Variants in NYAP2 observed in about 807,000 individuals in gnomAD.
The protein encoded by NYAP2 is neuronal tyrosine-phosphorylated phosphoinositide-3-kinase adapter 2.
In NYAP2, 23 loss-of-function variants were observed where a neutral mutation model predicts 50.4. That is an observed-to-expected ratio of 0.46 (90% confidence interval 0.33 to 0.65). The LOEUF is 0.65. NYAP2 is among the 30% of genes least tolerant of loss of function. NYAP2 has a pLI of 0.02. For missense variants in NYAP2, 885 were observed against 861.0 expected, an observed-to-expected ratio of 1.03 and a Z score of -0.35; for synonymous variants, 394 against 365.2, an observed-to-expected ratio of 1.08 and a Z score of -0.90.
intron 4 of NYAP2, among the ~76,000 whole-genome samples, chr2:225,559,110 C>T (rs778704709): frequency 2.0e-5 from 3 of 151,964 alleles, no homozygotes; most frequent in Admixed American, 1.3e-4. Context: ...CCCCTTCTGT[C>T]CTTTTGATGG....
chr2:225,472,755 T>C (rs976087145), intron 3 of NYAP2, among the ~76,000 whole-genome samples: 1 of 152,190 alleles, frequency 6.6e-6, no homozygotes, highest in Non-Finnish European at 1.5e-5. Context: ...GGATATCTCT[T>C]TCCTTGCTAG....
the NYAP2 span, among the ~76,000 whole-genome samples, chr2:225,673,015 A>G: frequency 1.3e-5 from 2 of 149,530 alleles, no homozygotes; most frequent in Admixed American, 1.3e-4. Flanking sequence ...AGACTGGGGA[A>G]AAAAAAAAAA....
chr2:225,490,554 T>A (rs1690386220), intron 3 of NYAP2, among the ~76,000 whole-genome samples: 1 of 152,180 alleles, frequency 6.6e-6, no homozygotes, highest in Non-Finnish European at 1.5e-5. Flanking sequence ...TAGCAGCTAC[T>A]GTTCTACAGC....
chr2:225,553,594 A>C (rs750652033), intron 4 of NYAP2, among the ~76,000 whole-genome samples: 21 of 152,254 alleles, frequency 1.4e-4, no homozygotes, highest in Admixed American at 2.0e-4. Flanking sequence ...ATGTGATTAC[A>C]ATAGCTTCAG....
At chr2:225,495,971 C>G (rs962957465) in intron 3 of NYAP2, among the ~76,000 whole-genome samples, 2 of 152,166 alleles carry the variant, frequency 1.3e-5, no homozygotes, top group African/African-American at 4.8e-5. Flanking sequence ...ATTTGACACA[C>G]CTGTGCTCAT....
intron 3 of NYAP2, among the ~76,000 whole-genome samples, chr2:225,421,415 A>G (rs1326253265): frequency 6.6e-6 from 1 of 152,154 alleles, no homozygotes; most frequent in Non-Finnish European, 1.5e-5. Flanking sequence ...CTGGTATTTT[A>G]TTTTACTTAG....
intron 6 of NYAP2, among the ~76,000 whole-genome samples, chr2:225,634,099 T>C (rs1693369302): frequency 6.6e-6 from 1 of 152,086 alleles, no homozygotes; most frequent in African/African-American, 2.4e-5. Context: ...CATGCAGCCT[T>C]TGATGGCCAG....
At chr2:225,504,221 G>A (rs1346325649) in intron 3 of NYAP2, among the ~76,000 whole-genome samples, 1 of 152,146 alleles carries the variant, frequency 6.6e-6, no homozygotes, top group South Asian at 2.1e-4. Context: ...TTCAGTGTCT[G>A]GTGAGGTCCT....
intron 4 of NYAP2, among the ~76,000 whole-genome samples, chr2:225,553,070 G>A (rs945906908): frequency 6.6e-6 from 1 of 152,196 alleles, no homozygotes. Context: ...CCCTGGCAGC[G>A]AAGGAAAGAG....
chr2:225,437,030 G>T (rs1259968593), intron 3 of NYAP2, among the ~76,000 whole-genome samples: 2 of 150,922 alleles, frequency 1.3e-5, no homozygotes, highest in Non-Finnish European at 1.5e-5. Context: ...ATTATTCAAA[G>T]GAAAAGGAGA....
At chr2:225,467,613 C>T (rs549943662) in intron 3 of NYAP2, among the ~76,000 whole-genome samples, 62 of 152,278 alleles carry the variant, frequency 4.1e-4, no homozygotes, top group African/African-American at 1.4e-3. Context: ...GTCTCACTGC[C>T]TTTCAATCAA....
At chr2:225,601,256 G>GACT (rs1692685685) in intron 5 of NYAP2, among the ~76,000 whole-genome samples, 1 of 151,952 alleles carries the variant, frequency 6.6e-6, no homozygotes, top group Non-Finnish European at 1.5e-5. Flanking sequence ...GAGTAGCTGG[G>GACT]ACTACAGGCA....
At chr2:225,454,588 G>A (rs1689706573) in intron 3 of NYAP2, among the ~76,000 whole-genome samples, 1 of 152,290 alleles carries the variant, frequency 6.6e-6, no homozygotes, top group East Asian at 1.9e-4. Context: ...AGCAGGAGGT[G>A]AGTGGCAGGC....
chr2:225,613,927 T>A (rs1038701775), intron 5 of NYAP2, among the ~76,000 whole-genome samples: 5 of 152,160 alleles, frequency 3.3e-5, no homozygotes, highest in African/African-American at 1.2e-4. Context: ...AAATGTAAAG[T>A]GAAGGTGTAT....
chr2:225,600,904 GAAT>G (rs1224742589), intron 5 of NYAP2, among the ~76,000 whole-genome samples: 1 of 152,064 alleles, frequency 6.6e-6, no homozygotes, highest in East Asian at 1.9e-4. Context: ...TTTTAAGGCG[GAAT>G]AATATTCTGT....
At chr2:225,692,070 A>G in the NYAP2 span, among the ~76,000 whole-genome samples, 2 of 152,146 alleles carry the variant, frequency 1.3e-5, no homozygotes, top group Non-Finnish European at 2.9e-5. Context: ...AGACTCCTAG[A>G]TGAAATTAAT....
At chr2:225,683,036 T>G in the NYAP2 span, among the ~76,000 whole-genome samples, 20 of 152,146 alleles carry the variant, frequency 1.3e-4, no homozygotes, top group African/African-American at 4.8e-4. Context: ...TTCTTCCTAC[T>G]ACTCTTCCCA....
At position 225,422,991 on chromosome 2, in the gene NYAP2, C is replaced by A. The variant is rs1339130581; in HGVS notation, c.221+13890C>A. ...TCTGATACTCTGGTTTGAGTTGACACCATATGAGTTTTCTAAAGAAGTCAA... is the reference window on the plus strand; with the variant it reads ...TCTGATACTCTGGTTTGAGTTGACAACATATGAGTTTTCTAAAGAAGTCAA... On this transcript the variant is annotated intron_variant, in intron 3 of 6. Coordinates refer to ENST00000636099, the Ensembl canonical transcript of NYAP2. Among the ~76,000 whole-genome samples, 2 of 151,960 alleles carry A rather than the reference C, an allele frequency of 1.3e-5. 1 individual carries two copies. The highest frequency in any genetic ancestry group is 2.9e-5 in the Non-Finnish European group (2 of 67,986).
intron 3 of NYAP2, among the ~76,000 whole-genome samples, chr2:225,419,167 T>C (rs946870374): frequency 1.3e-5 from 2 of 152,206 alleles, no homozygotes; most frequent in South Asian, 4.1e-4. Context: ...CTTTCCAGTT[T>C]AGGGCAGAGA....
Sources: allele counts gnomAD v4.1 joint callset (sites outside exome capture counted in the v4.1 genomes callset), GRCh38; gene constraint gnomAD v4.1.1; transcripts MANE v1.5; gene names NCBI Gene and HGNC (gene_info 2026-07-23, HGNC 2026-07-21).